The following SGCZ variants were observed in gnomAD, a reference collection of about 807,000 sequenced individuals.
The protein encoded by SGCZ is zeta-sarcoglycan.
In SGCZ, 40 loss-of-function variants were observed where a neutral mutation model predicts 41.3. That is an observed-to-expected ratio of 0.97 (90% CI 0.75 to 1.26). The LOEUF is 1.26. Among genes scored for constraint, SGCZ ranks in the 50% most tolerant of loss-of-function variants. SGCZ has a pLI of 0.00. For synonymous variants in SGCZ, 206 were observed against 137.5 expected (o/e 1.50, Z -3.49); for missense variants, 552 against 369.8 (o/e 1.49, Z -4.04).
At chr8:14,828,043 G>A (rs1428505865) in intron 1 of SGCZ, among the ~76,000 whole-genome samples, 2 of 152,208 alleles carry the variant, frequency 1.3e-5, no homozygotes, top group Non-Finnish European at 2.9e-5. Flanking sequence ...GAAACACTGA[G>A]AAGCTGCTGA....
rs1351298812 is a variant in SGCZ, at chr8:14,566,761, A to G, written c.40-11835T>C. On this transcript the variant is annotated intron_variant, in intron 1 of 7. Coordinates refer to ENST00000382080, the MANE Select transcript of SGCZ (RefSeq NM_139167.4). Reference sequence around the variant, plus strand: ...CTTCAGCCCGCCGCTGCACTGTGGGAGCCCCTTTCTGGGCTGGCCAAGGCC... The same window carrying G: ...CTTCAGCCCGCCGCTGCACTGTGGGGGCCCCTTTCTGGGCTGGCCAAGGCC... Among the ~76,000 whole-genome samples the G allele has an allele frequency of 3.9e-5, 6 of 152,168 alleles. No individual in the cohort carries two copies. The South Asian group carries it at 8.3e-4, about 21-fold the overall frequency.
chr8:14,203,858 G>C (rs1351272058), intron 4 of SGCZ, among the ~76,000 whole-genome samples: 1 of 152,074 alleles, frequency 6.6e-6, no homozygotes, highest in East Asian at 1.9e-4. Context: ...AAGTGTAAGA[G>C]ACCTGTAAGA....
intron 3 of SGCZ, among the ~76,000 whole-genome samples, chr8:14,296,157 AT>A (rs1198007939): frequency 6.6e-6 from 1 of 152,138 alleles, no homozygotes; most frequent in Non-Finnish European, 1.5e-5. Flanking sequence ...ACTCAACAAG[AT>A]CTATCTGATC....
In SGCZ at chr8:14,675,479, A is replaced by G. The variant is rs531454926; in HGVS notation, c.40-120553T>C. ...TCTATACATTAAAATCACATTTTAA[A>G]TGGCTTATTTATTGACCACTGTATA... is the stretch of plus-strand genomic sequence containing the variant. On this transcript the variant is annotated intron_variant, in intron 1 of 7. Transcript: ENST00000382080. Among the ~76,000 whole-genome samples, 3 of 152,266 alleles carry G rather than the reference A, an allele frequency of 2.0e-5. No homozygotes were observed. In the South Asian group the frequency reaches 6.2e-4, roughly 32 times the overall value.
intron 4 of SGCZ, among the ~76,000 whole-genome samples, chr8:14,222,833 G>C (rs1159412813): frequency 1.2e-5 from 1 of 86,402 alleles, no homozygotes; most frequent in African/African-American, 5.0e-5. Context: ...TTTTTTTTGA[G>C]GCAGAGTCTT....
At chr8:14,605,297 A>G (rs1805713482) in intron 1 of SGCZ, among the ~76,000 whole-genome samples, 1 of 151,954 alleles carries the variant, frequency 6.6e-6, no homozygotes, top group African/African-American at 2.4e-5. Flanking sequence ...GTGAGTGTAT[A>G]TATTTATGGG....
chr8:14,603,711 T>C (rs903701489), intron 1 of SGCZ, among the ~76,000 whole-genome samples: 2 of 152,200 alleles, frequency 1.3e-5, no homozygotes, highest in Non-Finnish European at 2.9e-5. Flanking sequence ...CAGTTATCTG[T>C]TGTTGTTAAT....
At chr8:15,079,246 C>A (rs1415777767) in intron 1 of SGCZ, among the ~76,000 whole-genome samples, 1 of 152,006 alleles carries the variant, frequency 6.6e-6, no homozygotes, top group African/African-American at 2.4e-5. Flanking sequence ...AGGAATGTAC[C>A]CCAAGATTTA....
chr8:15,209,555 A>AG (rs1801175604), intron 1 of SGCZ, among the ~76,000 whole-genome samples: 2 of 152,138 alleles, frequency 1.3e-5, no homozygotes, highest in Non-Finnish European at 2.9e-5. Context: ...TGAAAGAGAA[A>AG]AGAAGCCAGT....
chr8:14,658,609 A>T (rs1807650348), intron 1 of SGCZ, among the ~76,000 whole-genome samples: 1 of 152,140 alleles, frequency 6.6e-6, no homozygotes, highest in Non-Finnish European at 1.5e-5. Flanking sequence ...AGATCTCTTG[A>T]GTCCTGCTCT....
At chr8:14,507,972 T>C (rs112989141) in intron 2 of SGCZ, among the ~76,000 whole-genome samples, 2,418 of 152,166 alleles carry the variant, frequency 0.016, 61 homozygotes, top group African/African-American at 0.056. Flanking sequence ...GGTTTTTCCA[T>C]GTTGGTCAGG....
At chr8:14,432,300 T>C (rs1039225747) in intron 2 of SGCZ, among the ~76,000 whole-genome samples, 8 of 152,026 alleles carry the variant, frequency 5.3e-5, no homozygotes, top group African/African-American at 2.4e-5. Flanking sequence ...GATCAACAAA[T>C]AGATAAAGAA....
At chr8:15,052,384 G>A (rs1325750825) in intron 1 of SGCZ, among the ~76,000 whole-genome samples, 1 of 152,170 alleles carries the variant, frequency 6.6e-6, no homozygotes, top group East Asian at 1.9e-4. Context: ...GCAGTGGGAA[G>A]AAAGTGAGTG....
At chr8:15,026,692 T>A (rs1309312888) in intron 1 of SGCZ, among the ~76,000 whole-genome samples, 1 of 152,212 alleles carries the variant, frequency 6.6e-6, no homozygotes, top group African/African-American at 2.4e-5. Flanking sequence ...CTTCTGGAAC[T>A]CTGTGTGTGC....
At chr8:14,858,927 T>A (rs561378546) in intron 1 of SGCZ, among the ~76,000 whole-genome samples, 10 of 152,298 alleles carry the variant, frequency 6.6e-5, no homozygotes, top group African/African-American at 1.9e-4. Context: ...GCTCAATGTT[T>A]TTCTTTGGCA....
At chr8:14,824,383 G>A (rs1802218452) in intron 1 of SGCZ, among the ~76,000 whole-genome samples, 1 of 152,022 alleles carries the variant, frequency 6.6e-6, no homozygotes, top group Non-Finnish European at 1.5e-5. Context: ...ATTATAGTGT[G>A]CCACTTTAAT....
chr8:14,406,485 G>A (rs756762814), intron 2 of SGCZ, among the ~76,000 whole-genome samples: 1 of 152,122 alleles, frequency 6.6e-6, no homozygotes, highest in South Asian at 2.1e-4. Flanking sequence ...TGCTTAAATC[G>A]TAGCTGGAAT....
chr8:14,810,273 A>T (rs1233066970), intron 1 of SGCZ, among the ~76,000 whole-genome samples: 1 of 152,110 alleles, frequency 6.6e-6, no homozygotes, highest in Non-Finnish European at 1.5e-5. Context: ...GAAGTTTTAG[A>T]ACTTTAAATC....
chr8:14,637,329 A>T (rs533776583), intron 1 of SGCZ, among the ~76,000 whole-genome samples: 4 of 150,962 alleles, frequency 2.6e-5, no homozygotes, highest in African/African-American at 7.3e-5. Context: ...TTTAATTTCA[A>T]CTTTTATTTT....
Sources: allele counts gnomAD v4.1 joint callset (sites outside exome capture counted in the v4.1 genomes callset), GRCh38; gene constraint gnomAD v4.1.1; transcripts MANE v1.5; gene names NCBI Gene and HGNC (gene_info 2026-07-23, HGNC 2026-07-21).